Variants in STAT3 observed in about 807,000 individuals in gnomAD.
STAT3 encodes the protein signal transducer and activator of transcription 3, also known as DNA-binding protein APRF.
In STAT3, 7 loss-of-function variants were observed where a neutral mutation model predicts 114.3. That is an observed-to-expected ratio of 0.06 (90% CI 0.03 to 0.11). STAT3 has a LOEUF of 0.11. Ranked by LOEUF, STAT3 falls within the 10% of genes least tolerant of loss-of-function variation. STAT3 has a pLI of 1.00. For missense variants in STAT3, 364 were observed against 960.9 expected, an observed-to-expected ratio of 0.38 and a Z score of 8.21; for synonymous variants, 331 against 354.5, an observed-to-expected ratio of 0.93 and a Z score of 0.74.
rs1178714858 is a variant in STAT3 at position 42,313,349 on chromosome 17, C to T, written c.*2396G>A. The stretch of plus-strand genomic sequence containing the variant: ...GACGGTTCCTATATAACGTTTATTT[C>T]TGGAAGTTAAAGTAGATACAGCAAT... On this transcript the variant is annotated 3_prime_UTR_variant, in exon 24 of 24. Coordinates refer to ENST00000264657, the MANE Select transcript of STAT3 (RefSeq NM_139276.3). 1 of 164,920 alleles carries T rather than the reference C, an allele frequency of 6.1e-6. No homozygotes were observed. The highest frequency in any genetic ancestry group is 3.0e-5 in the African/African-American group (1 of 33,772). The allele number at this position is 164,920 out of a possible 1,614,324, so 10.2% of individuals were successfully genotyped here.
At chr17:42,366,450 C>T (rs1010241172) in intron 1 of STAT3, among the ~76,000 whole-genome samples, 17 of 152,152 alleles carry the variant, frequency 1.1e-4, no homozygotes, top group African/African-American at 4.1e-4. Context: ...GCGGGTGGAT[C>T]ACTTGAGCTC....
chr17:42,352,483 G>A (rs1235241059), intron 1 of STAT3, among the ~76,000 whole-genome samples: 1 of 152,110 alleles, frequency 6.6e-6, no homozygotes, highest in African/African-American at 2.4e-5. Flanking sequence ...CTGAAGCATT[G>A]TAACCATGGC....
intron 11 of STAT3, 149 bp from the exon 12 acceptor site, chr17:42,329,925 A>G (rs1441240493): frequency 6.5e-6 from 6 of 925,394 alleles, no homozygotes; most frequent in East Asian, 5.2e-5. Flanking sequence ...TCAGCGCAAC[A>G]TAACACCTCT....
rs1317969682 is a variant in STAT3 at position 42,360,524 on chromosome 17, AT to A, written c.-23-11986del. On this transcript the variant is annotated intron_variant, in intron 1 of 23. Transcript: ENST00000264657. ...CTGGCCATGGTGGCACATGCCTGTA[AT>A]CCCAGCTACTCAGGAGGCTAAGGCA... Among the ~76,000 whole-genome samples the A allele has an allele frequency of 5.3e-5, 8 of 152,002 alleles. No homozygotes were observed. The East Asian group carries it at 7.8e-4, about 15-fold the overall frequency.
At position 42,329,587 on chromosome 17, in the gene STAT3, G is replaced by C. The variant is rs757298594; in HGVS notation, c.1200C>G (p.Asn400Lys). ...NTKVMNMEESNNGSLSAEFKH... is the reference protein window; with the variant it reads ...NTKVMNMEESKNGSLSAEFKH... Reference sequence around the variant, plus strand: ...TGAATTCTGCAGAGAGGCTGCCGTTGTTGGATTCTTCCATGTTCATCACTT... The same window carrying C: ...TGAATTCTGCAGAGAGGCTGCCGTTCTTGGATTCTTCCATGTTCATCACTT... The change falls in exon 13 of 24, where the codon AAC becomes AAG. Residue 400 changes from asparagine (N) to lysine (K), a missense_variant. Physicochemically the swap from Asn to Lys is moderately conservative, Grantham distance 94. Transcript: ENST00000264657. 1 of 1,614,250 alleles carries C rather than the reference G, an allele frequency of 6.2e-7. No homozygotes were observed.
Position 42,315,584 on chromosome 17 carries a change from G to A in STAT3, c.*161C>T. 1.4e-6 allele frequency: 1 copy of A among 713,758 alleles called. No individual in the cohort carries two copies. The highest frequency in any genetic ancestry group is 2.2e-5 in the Admixed American group (1 of 46,026). The allele number at this position is 713,758 out of a possible 1,614,324, so 44.2% of individuals were successfully genotyped here. Reference sequence around the variant, plus strand: ...TTCACTCATTTCTCTATTTTTAAAAGTGCCCAGATTGCTCAAAGATAGCAG... The same window carrying A: ...TTCACTCATTTCTCTATTTTTAAAAATGCCCAGATTGCTCAAAGATAGCAG... On this transcript the variant is annotated 3_prime_UTR_variant, in exon 24 of 24. Transcript: ENST00000264657.
chr17:42,327,057 T>A (rs1164387617), intron 14 of STAT3, among the ~76,000 whole-genome samples: 1 of 152,170 alleles, frequency 6.6e-6, no homozygotes, highest in African/African-American at 2.4e-5. Flanking sequence ...ACTCAGTTTG[T>A]ATTATAATAT....
chr17:42,349,067 ATG>A, intron 1 of STAT3, among the ~76,000 whole-genome samples: 1 of 150,492 alleles, frequency 6.6e-6, no homozygotes, highest in East Asian at 2.0e-4. Flanking sequence ...CAAACAAAAC[ATG>A]CCCAGGCTGG....
Position 42,348,503 on chromosome 17 carries a change from T to C in STAT3, c.14A>G (p.Asn5Ser), listed in dbSNP as rs1041081083. 4 of 1,613,624 alleles carry C rather than the reference T, an allele frequency of 2.5e-6. No homozygotes were observed. Among genetic ancestry groups the C allele is most frequent in the Non-Finnish European group, 3.4e-6 (4 of 1,180,012 alleles). Reference protein sequence around the residue: MAQWNQLQQLDTRYL... With the variant: MAQWSQLQQLDTRYL... ...CCGTGTGTCAAGCTGCTGTAGCTGATTCCATTGGGCCATCCTGCTAAAATC... is the reference window on the plus strand; with the variant it reads ...CCGTGTGTCAAGCTGCTGTAGCTGACTCCATTGGGCCATCCTGCTAAAATC... The change falls in exon 2 of 24, where the codon AAT becomes AGT. Residue 5 changes from asparagine to serine, a missense_variant. Transcript: ENST00000264657.
At chr17:42,346,530 C>A (rs373386490) in intron 3 of STAT3, 39 bp downstream of exon 3, 4 of 1,613,612 alleles carry the variant, frequency 2.5e-6, no homozygotes, top group East Asian at 2.2e-5. Context: ...CCCGACTCTG[C>A]GGGTCCTGTT....
chr17:42,376,435 T>TA (rs1049832503), intron 1 of STAT3, among the ~76,000 whole-genome samples: 1 of 151,082 alleles, frequency 6.6e-6, no homozygotes, highest in Non-Finnish European at 1.5e-5. Flanking sequence ...TAGTCCCAGC[T>TA]ACTCAGGAGG....
intron 1 of STAT3, among the ~76,000 whole-genome samples, chr17:42,360,913 G>A (rs559578449): frequency 6.6e-5 from 10 of 152,120 alleles, no homozygotes; most frequent in Non-Finnish European, 8.8e-5. Context: ...TGCTCAGCAA[G>A]AAGATGCAGG....
At chr17:42,352,651 C>CAA (rs766577639) in intron 1 of STAT3, among the ~76,000 whole-genome samples, 16 of 78,878 alleles carry the variant, frequency 2.0e-4, no homozygotes, top group African/African-American at 3.3e-4. Flanking sequence ...GACTCTGTCT[C>CAA]AAAAAAAAAA....
chr17:42,318,913 C>T (rs1413142079), intron 21 of STAT3, among the ~76,000 whole-genome samples: 1 of 152,180 alleles, frequency 6.6e-6, no homozygotes, highest in African/African-American at 2.4e-5. Flanking sequence ...GGAGCTGACA[C>T]CCTAGACAGA....
chr17:42,331,564 G>T, intron 10 of STAT3, 33 bp from the exon 11 acceptor site: 1 of 1,547,104 alleles, frequency 6.5e-7, no homozygotes, highest in Non-Finnish European at 8.9e-7. Flanking sequence ...AGGAAAAAAA[G>T]TCAGTAACTC....
At chr17:42,371,074 T>G (rs2084098622) in intron 1 of STAT3, among the ~76,000 whole-genome samples, 1 of 152,196 alleles carries the variant, frequency 6.6e-6, no homozygotes, top group African/African-American at 2.4e-5. Flanking sequence ...ATGCTTTGAA[T>G]GAAAGCAGAG....
intron 21 of STAT3, among the ~76,000 whole-genome samples, chr17:42,319,756 TG>T (rs1417582946): frequency 1.3e-5 from 2 of 151,918 alleles, no homozygotes; most frequent in Admixed American, 6.6e-5. Flanking sequence ...ATAATACTCT[TG>T]TGATGGAAAT....
rs111688125 is a variant in STAT3, at chr17:42,326,320, C to T, written c.1282-121G>A. 24 of 825,220 alleles carry T rather than the reference C, an allele frequency of 2.9e-5. 2 individuals are homozygous for T. The highest frequency in any genetic ancestry group is 3.4e-4 in the Middle Eastern group (1 of 2,958). The allele number at this position is 825,220 out of a possible 1,614,324, so 51.1% of individuals were successfully genotyped here. On this transcript the variant is annotated intron_variant, in intron 14 of 23. Coordinates refer to ENST00000264657, the MANE Select transcript of STAT3 (RefSeq NM_139276.3). ...CCCAGGAGTTCGAGACCAGTCTAAG[C>T]AGCACAGCAAAACTCCATCTCTGCA...
chr17:42,385,686 G>C (rs2085064956), intron 1 of STAT3, among the ~76,000 whole-genome samples: 1 of 152,136 alleles, frequency 6.6e-6, no homozygotes, highest in Non-Finnish European at 1.5e-5. Context: ...TCTAGAGACA[G>C]AAATGACCAC....
Sources: allele counts gnomAD v4.1 joint callset (sites outside exome capture counted in the v4.1 genomes callset), GRCh38; gene constraint gnomAD v4.1.1; transcripts MANE v1.5; gene names NCBI Gene and HGNC (gene_info 2026-07-23, HGNC 2026-07-21).